The following ZNF462 variants were observed in gnomAD, a reference collection of about 807,000 sequenced individuals.
The protein encoded by ZNF462 is zinc finger PBX1-interacting protein.
ZNF462 carries 10 observed loss-of-function variants against 201.9 expected under a neutral mutation model. The ratio of observed to expected loss-of-function variants is 0.05; its 90% CI spans 0.03 to 0.08. ZNF462 has a LOEUF of 0.08. ZNF462 is among the 10% of genes least tolerant of loss of function. The probability of loss-of-function intolerance (pLI) is 1.00; values close to 1 mark genes in which losing one functional copy is unlikely to be tolerated. For missense variants in ZNF462, 2,523 were observed against 3,168.3 expected (o/e 0.80, Z 4.89); for synonymous variants, 1,227 against 1,193.3 (o/e 1.03, Z -0.58).
chr9:106,932,654 G>A lies in ZNF462; in HGVS notation c.6116+105G>A. Reference sequence around the variant, plus strand: ...GGATGAGTAAGAAGGCCCCACTCATGGTTCACACCTGCTGCTATGTTACCT... The same window carrying A: ...GGATGAGTAAGAAGGCCCCACTCATAGTTCACACCTGCTGCTATGTTACCT... On this transcript the variant is annotated intron_variant, in intron 5 of 12. Coordinates refer to ENST00000277225, the MANE Select transcript of ZNF462 (RefSeq NM_021224.6). The surrounding 1 kb of genome is among the most constrained non-coding windows in gnomAD (Gnocchi z 6.8). The A allele has an allele frequency of 7.2e-7, 1 of 1,396,838 alleles. No individual in the cohort carries two copies. The highest frequency in any genetic ancestry group is 1.3e-5 in the South Asian group (1 of 79,558). 86.5% of individuals were successfully genotyped at this position (1,396,838 alleles called of 1,614,324 possible).
intron 7 of ZNF462, among the ~76,000 whole-genome samples, chr9:106,952,703 A>C (rs955080518): frequency 6.6e-5 from 10 of 152,210 alleles, no homozygotes; most frequent in Non-Finnish European, 1.2e-4. Flanking sequence ...ACTGACATTA[A>C]TCGATGATCA....
chr9:106,915,255 A>G (rs1429100673), intron 1 of ZNF462, among the ~76,000 whole-genome samples: 1 of 151,770 alleles, frequency 6.6e-6, no homozygotes, highest in Non-Finnish European at 1.5e-5. Flanking sequence ...TATGCTGAAA[A>G]ACCTAACTTT....
In ZNF462 at chr9:106,895,547, A is replaced by C. The variant is rs1828774437; in HGVS notation, c.-30-27807A>C. Reference sequence around the variant, plus strand: ...GCTTTCGTTATATCACATTGCCCTGATTAAGGATGATAAGAGATCCCTGTT... The same window carrying C: ...GCTTTCGTTATATCACATTGCCCTGCTTAAGGATGATAAGAGATCCCTGTT... On this transcript the variant is annotated intron_variant, in intron 1 of 12. Coordinates refer to ENST00000277225, the MANE Select transcript of ZNF462 (RefSeq NM_021224.6). This position sits in a 1 kb window ranked among gnomAD's most constrained non-coding sequence, Gnocchi z 4.4. Among the ~76,000 whole-genome samples the C allele has an allele frequency of 6.6e-6, 1 of 152,178 alleles. No individual in the cohort carries two copies.
At chr9:106,866,801 AAG>A (rs1827352369) in intron 1 of ZNF462, among the ~76,000 whole-genome samples, 2 of 152,228 alleles carry the variant, frequency 1.3e-5, no homozygotes, top group African/African-American at 2.4e-5. Context: ...GCAATGGATA[AAG>A]AGTTATTTGG....
intron 8 of ZNF462, among the ~76,000 whole-genome samples, chr9:106,973,812 CT>C (rs1232629276): frequency 6.6e-6 from 1 of 151,810 alleles, no homozygotes; most frequent in Non-Finnish European, 1.5e-5. Context: ...AAAATAGTTC[CT>C]TTTTTGGGAT....
At position 106,925,556 on chromosome 9, in the gene ZNF462, G is replaced by C; in HGVS notation, c.1644G>C (p.Pro548=). The C allele has an allele frequency of 6.2e-7, 1 of 1,606,862 alleles. No individual in the cohort carries two copies. Among genetic ancestry groups the C allele is most frequent in the Non-Finnish European group, 8.5e-7 (1 of 1,176,688 alleles). Residue 548 remains proline, a synonymous_variant, in exon 3 of 13, where the codon CCG becomes CCC. Coordinates refer to ENST00000277225, the MANE Select transcript of ZNF462 (RefSeq NM_021224.6). The surrounding 1 kb of genome is among the most constrained non-coding windows in gnomAD (Gnocchi z 7.9). The part of the protein sequence containing the change: ...QQQQPPQPPP[P]PPPPPPSQPQ... Reference sequence around the variant, plus strand: ...AACAGCCACCGCAGCCACCACCACCGCCGCCGCCACCACCACCATCACAGC... The same window carrying C: ...AACAGCCACCGCAGCCACCACCACCCCCGCCGCCACCACCACCATCACAGC...
intron 6 of ZNF462, among the ~76,000 whole-genome samples, chr9:106,937,759 G>T (rs1025998302): frequency 4.0e-5 from 6 of 151,878 alleles, no homozygotes; most frequent in Non-Finnish European, 7.4e-5. Flanking sequence ...TAAACTCCAA[G>T]AATTTATTTT....
At chr9:106,887,744 G>A (rs138216097) in intron 1 of ZNF462, among the ~76,000 whole-genome samples, 2 of 152,132 alleles carry the variant, frequency 1.3e-5, no homozygotes, top group South Asian at 2.1e-4. Flanking sequence ...TCATGATTGC[G>A]TTGCAACATA....
Position 106,883,856 on chromosome 9 carries a change from C to T in ZNF462, c.-31+20501C>T, listed in dbSNP as rs1828206829. 6.6e-6 allele frequency among the ~76,000 whole-genome samples: 1 copy of T among 152,134 alleles called. No individual in the cohort carries two copies. The highest frequency in any genetic ancestry group is 2.1e-4 in the South Asian group (1 of 4,818). On this transcript the variant is annotated intron_variant, in intron 1 of 12. Coordinates refer to ENST00000277225, the MANE Select transcript of ZNF462 (RefSeq NM_021224.6). This position sits in a 1 kb window ranked among gnomAD's most constrained non-coding sequence, Gnocchi z 4.9. ...GTGAGCAAACTCTACACCAGGCACA[C>T]AAGTGTTTGTTTTAACAGCTTCAGA...
chr9:106,983,300 C>T (rs1038994303), intron 9 of ZNF462, among the ~76,000 whole-genome samples: 10 of 152,210 alleles, frequency 6.6e-5, no homozygotes, highest in African/African-American at 2.2e-4. Context: ...TTTATTTTTT[C>T]CCTCTGACAA....
At chr9:106,916,212 T>C (rs1564095702) in intron 1 of ZNF462, among the ~76,000 whole-genome samples, 1 of 152,168 alleles carries the variant, frequency 6.6e-6, no homozygotes, top group Non-Finnish European at 1.5e-5. Context: ...ATCTGTAAAA[T>C]TGAGACTTGG....
At chr9:106,884,007 TG>T (rs1227079608) in intron 1 of ZNF462, among the ~76,000 whole-genome samples, 1 of 152,140 alleles carries the variant, frequency 6.6e-6, no homozygotes, top group African/African-American at 2.4e-5. Flanking sequence ...GTATATATGG[TG>T]GGGGAAGGGT....
In ZNF462 at chr9:106,920,253, A is replaced by T. The variant is rs1281795722; in HGVS notation, c.-30-3101A>T. Among the ~76,000 whole-genome samples the T allele has an allele frequency of 6.7e-6, 1 of 150,050 alleles. No individual in the cohort carries two copies. The highest frequency in any genetic ancestry group is 2.5e-5 in the African/African-American group (1 of 40,536). ...TGTGTTTTTGTCTCTGTCCTTCTCT[A>T]CTCCCTTCCCCTCCACTTGCTGTCA... On this transcript the variant is annotated intron_variant, in intron 1 of 12. Transcript: ENST00000277225. The surrounding 1 kb of genome is among the most constrained non-coding windows in gnomAD (Gnocchi z 4.3).
intron 10 of ZNF462, among the ~76,000 whole-genome samples, chr9:106,986,225 G>A (rs983908021): frequency 4.6e-5 from 7 of 152,118 alleles, no homozygotes; most frequent in Admixed American, 1.3e-4. Flanking sequence ...AGCAGTGGGC[G>A]GAAGGCTGAG....
intron 1 of ZNF462, among the ~76,000 whole-genome samples, chr9:106,882,809 T>C (rs1828157421): frequency 1.3e-5 from 2 of 152,222 alleles, no homozygotes; most frequent in African/African-American, 2.4e-5. Flanking sequence ...AGACTTTCTT[T>C]GACCTATTAA....
At chr9:106,965,456 A>G (rs1195901311) in intron 7 of ZNF462, among the ~76,000 whole-genome samples, 2 of 152,110 alleles carry the variant, frequency 1.3e-5, no homozygotes, top group African/African-American at 4.8e-5. Context: ...GAGGACCTCA[A>G]TGAACAAGGG....
intron 10 of ZNF462, among the ~76,000 whole-genome samples, chr9:106,996,175 A>C (rs1030813928): frequency 1.3e-5 from 2 of 152,186 alleles, no homozygotes; most frequent in African/African-American, 4.8e-5. Flanking sequence ...ATAGTATTCC[A>C]TGGTGTATAT....
At position 106,886,601 on chromosome 9, in the gene ZNF462, A is replaced by G. The variant is rs1406229105; in HGVS notation, c.-31+23246A>G. Among the ~76,000 whole-genome samples the G allele has an allele frequency of 2.0e-5, 3 of 152,168 alleles. No homozygotes were observed. Among genetic ancestry groups the G allele is most frequent in the African/African-American group, 7.2e-5 (3 of 41,446 alleles). The stretch of plus-strand genomic sequence containing the variant: ...GCTCCTGTCATCCGCAGTCAATGTG[A>G]AGAAACTGGTTATATGGACCTAGGA... On this transcript the variant is annotated intron_variant, in intron 1 of 12. Transcript: ENST00000277225. This position sits in a 1 kb window ranked among gnomAD's most constrained non-coding sequence, Gnocchi z 4.6.
rs1455599528 is a variant in ZNF462, at chr9:106,924,590, C to T, written c.678C>T (p.Arg226=). 1.9e-6 allele frequency: 3 copies of T among 1,614,058 alleles called. No homozygotes were observed. The highest frequency in any genetic ancestry group is 2.5e-6 in the Non-Finnish European group (3 of 1,180,042). ...CKELPAEVVE[R]SILESMVKPL... is the part of the protein sequence containing the mutation. ...AACTGCCAGCAGAGGTTGTGGAGCG[C>T]AGCATCTTAGAGTCTATGGTCAAGC... The change falls in exon 3 of 13, where the codon CGC becomes CGT. Residue 226 remains arginine, a synonymous_variant. Coordinates refer to ENST00000277225, the MANE Select transcript of ZNF462 (RefSeq NM_021224.6). The surrounding 1 kb of genome is among the most constrained non-coding windows in gnomAD (Gnocchi z 6.2).
Sources: gnomAD v4.1 joint callset for allele counts (sites outside exome capture counted in the v4.1 genomes callset) on GRCh38, gnomAD v4.1.1 for gene constraint, Gnocchi (gnomAD v3.1) non-coding constraint, MANE v1.5 for transcripts, NCBI Gene and HGNC (gene_info 2026-07-23, HGNC 2026-07-21) for gene names.